Variants in SCGN observed in about 807,000 individuals in gnomAD.
SCGN encodes the protein secretagogin.
Under a neutral mutation model 39.7 loss-of-function variants are expected in SCGN, and 30 were observed. The ratio of observed to expected loss-of-function variants is 0.76; its 90% CI spans 0.57 to 1.03. SCGN has a LOEUF of 1.03. Ranked by LOEUF, SCGN falls within the 50% of genes least tolerant of loss-of-function variation. SCGN has a pLI of 0.00. For missense variants in SCGN, 353 were observed against 349.4 expected (o/e 1.01, Z -0.08); for synonymous variants, 106 against 114.1 (o/e 0.93, Z 0.45).
intron 2 of SCGN, among the ~76,000 whole-genome samples, chr6:25,658,003 C>CTTTTTTTT (rs759915721): frequency 2.0e-4 from 14 of 70,396 alleles, no homozygotes; most frequent in Non-Finnish European, 3.6e-4. Context: ...GAAAGGTATC[C>CTTTTTTTT]TTTTTTTTTT....
chr6:25,668,193 A>T (rs1271754231), intron 4 of SCGN, among the ~76,000 whole-genome samples: 3 of 149,730 alleles, frequency 2.0e-5, no homozygotes, highest in African/African-American at 7.4e-5. Flanking sequence ...CATCCCATTT[A>T]GGATCTAAGA....
chr6:25,676,076 C>T (rs977110689), intron 6 of SCGN, among the ~76,000 whole-genome samples: 1 of 152,200 alleles, frequency 6.6e-6, no homozygotes, highest in Non-Finnish European at 1.5e-5. Flanking sequence ...AGGCATGACA[C>T]TTGAAACCAT....
chr6:25,670,760 C>T (rs1477814103), intron 6 of SCGN, among the ~76,000 whole-genome samples: 1 of 152,196 alleles, frequency 6.6e-6, no homozygotes. Flanking sequence ...ATTTTTGTGT[C>T]AAGCTCCATG....
At chr6:25,672,114 T>C (rs1160926314) in intron 6 of SCGN, among the ~76,000 whole-genome samples, 1 of 152,202 alleles carries the variant, frequency 6.6e-6, no homozygotes, top group South Asian at 2.1e-4. Context: ...CAACTTGCCC[T>C]AAAAAAAATC....
intron 9 of SCGN, among the ~76,000 whole-genome samples, chr6:25,690,462 G>A (rs1479469082): frequency 6.6e-6 from 1 of 152,178 alleles, no homozygotes; most frequent in East Asian, 1.9e-4. Flanking sequence ...AAATCACAAA[G>A]AGAGTAGATG....
At chr6:25,695,345 C>T (rs1759825269) in intron 10 of SCGN, among the ~76,000 whole-genome samples, 1 of 152,126 alleles carries the variant, frequency 6.6e-6, no homozygotes, top group Non-Finnish European at 1.5e-5. Flanking sequence ...TGATCAATGA[C>T]ATAAACTTAT....
Position 25,701,454 on chromosome 6 carries a change from G to C in SCGN, c.*119G>C. ...AACTCACAAATGGTGTGCTATTCTT[G>C]GGCAAGAACAGGGACGCTAGGGCCT... On this transcript the variant is annotated 3_prime_UTR_variant, in exon 11 of 11. Coordinates refer to ENST00000377961, the MANE Select transcript of SCGN (RefSeq NM_006998.4). The C allele has an allele frequency of 7.6e-7, 1 of 1,314,280 alleles. No homozygotes were observed. Among genetic ancestry groups the C allele is most frequent in the Non-Finnish European group, 1.1e-6 (1 of 952,168 alleles). 81.4% of individuals were successfully genotyped at this position (1,314,280 alleles called of 1,614,324 possible). A position where few individuals can be genotyped will look rare whatever the true frequency, so the allele number is the denominator to read the frequency against.
In SCGN at chr6:25,669,714, T is replaced by C. The variant is rs74877875; in HGVS notation, c.393+147T>C. ...ATACATATGTACATATATGTATATA[T>C]TTTCATTTTTAAAAGGTTTAGAAAG... On this transcript the variant is annotated intron_variant, in intron 5 of 10. Coordinates refer to ENST00000377961, the MANE Select transcript of SCGN (RefSeq NM_006998.4). The C allele has an allele frequency of 3.0e-4, 200 of 676,526 alleles. No individual in the cohort carries two copies. The African/African-American group carries it at 3.3e-3, about 11-fold the overall frequency. The allele number at this position is 676,526 out of a possible 1,614,324, so 41.9% of individuals were successfully genotyped here.
intron 6 of SCGN, among the ~76,000 whole-genome samples, chr6:25,672,145 G>T (rs1338706246): frequency 6.6e-6 from 1 of 152,140 alleles, no homozygotes; most frequent in Non-Finnish European, 1.5e-5. Flanking sequence ...TTCCCTCCAC[G>T]GTGAGCCCAG....
rs1203084829 is a variant in SCGN at position 25,652,377 on chromosome 6, C to T, written c.-27C>T. On this transcript the variant is annotated 5_prime_UTR_variant, in exon 1 of 11. Transcript: ENST00000377961. ...CAAAGTTGTCTAGGTCCTTCCGCGC[C>T]GGTGCCTGGTCTTCGTCGTCAACAC... The T allele has an allele frequency of 3.7e-6, 6 of 1,606,804 alleles. No individual in the cohort carries two copies. The highest frequency in any genetic ancestry group is 5.1e-6 in the Non-Finnish European group (6 of 1,173,684).
At chr6:25,675,021 G>A (rs1211060540) in intron 6 of SCGN, among the ~76,000 whole-genome samples, 1 of 152,094 alleles carries the variant, frequency 6.6e-6, no homozygotes. Context: ...TGGTGAGGTG[G>A]TAAATTAAAG....
At chr6:25,699,674 G>A (rs1186291779) in intron 10 of SCGN, among the ~76,000 whole-genome samples, 2 of 151,760 alleles carry the variant, frequency 1.3e-5, no homozygotes, top group Non-Finnish European at 2.9e-5. Context: ...GAGAACAAAA[G>A]GGGGTTTGGA....
chr6:25,686,469 G>A (rs1235663976), intron 7 of SCGN, among the ~76,000 whole-genome samples: 1 of 152,074 alleles, frequency 6.6e-6, no homozygotes, highest in African/African-American at 2.4e-5. Context: ...CATTTTTTAT[G>A]TTTTATTGGC....
At chr6:25,685,954 C>T (rs1468686347) in intron 7 of SCGN, among the ~76,000 whole-genome samples, 1 of 152,144 alleles carries the variant, frequency 6.6e-6, no homozygotes, top group Non-Finnish European at 1.5e-5. Context: ...CTATTTCTAT[C>T]GACTTTCCTA....
chr6:25,675,607 G>A (rs572080440), intron 6 of SCGN, among the ~76,000 whole-genome samples: 50 of 152,304 alleles, frequency 3.3e-4, no homozygotes, highest in Admixed American at 7.2e-4. Context: ...GGTCACTCTC[G>A]TCCTCCTAAA....
intron 6 of SCGN, among the ~76,000 whole-genome samples, chr6:25,671,297 A>G (rs558856541): frequency 6.6e-6 from 1 of 152,364 alleles, no homozygotes; most frequent in Admixed American, 6.5e-5. Context: ...CTCATTTTAA[A>G]GATCAGATAA....
intron 6 of SCGN, among the ~76,000 whole-genome samples, chr6:25,672,911 T>G (rs576229837): frequency 5.9e-5 from 9 of 152,086 alleles, no homozygotes; most frequent in Non-Finnish European, 1.3e-4. Flanking sequence ...TCCTGATGAA[T>G]CAGGTGGGAG....
chr6:25,678,692 G>T (rs1759596813), intron 6 of SCGN: 1 of 152,372 alleles, frequency 6.6e-6, no homozygotes, highest in African/African-American at 2.4e-5. Context: ...TAGGCTGGAA[G>T]TAAATTGGAA....
chr6:25,697,065 G>A (rs1250419777), intron 10 of SCGN, among the ~76,000 whole-genome samples: 3 of 152,162 alleles, frequency 2.0e-5, no homozygotes, highest in Non-Finnish European at 2.9e-5. Flanking sequence ...GCACTGCTGG[G>A]TACACCACTC....
Sources: allele counts gnomAD v4.1 joint callset (sites outside exome capture counted in the v4.1 genomes callset), GRCh38; gene constraint gnomAD v4.1.1; transcripts MANE v1.5; gene names NCBI Gene and HGNC (gene_info 2026-07-23, HGNC 2026-07-21).